Variants in TRPC4AP observed in about 807,000 individuals in gnomAD.
TRPC4AP encodes transient receptor potential cation channel subfamily C member 4 associated protein.
A neutral mutation model predicts 99.0 loss-of-function variants in TRPC4AP; 45 were observed. That is an observed-to-expected ratio of 0.45 (90% CI 0.36 to 0.58). The LOEUF is 0.58. Ranked by LOEUF, TRPC4AP falls within the 20% of genes least tolerant of loss-of-function variation. The probability of loss-of-function intolerance (pLI) is 0.00; values close to 1 mark genes in which losing one functional copy is unlikely to be tolerated. For missense variants in TRPC4AP, 879 were observed against 985.3 expected (o/e 0.89, Z 1.44); for synonymous variants, 408 against 385.8 (o/e 1.06, Z -0.67).
chr20:35,057,341 G>C lies in TRPC4AP; in HGVS notation c.472+173C>G, dbSNP rs534363918. 4.6e-5 allele frequency among the ~76,000 whole-genome samples: 7 copies of C among 152,264 alleles called. No individual in the cohort carries two copies. In the South Asian group the frequency reaches 1.5e-3, roughly 32 times the overall value. ...CAGATCTGAATTTCTACGCAGTACA[G>C]AATGAATAAAGACAGCTGCTTAGCT... is the stretch of plus-strand genomic sequence containing the variant. On this transcript the variant is annotated intron_variant, in intron 4 of 18. Coordinates refer to ENST00000252015, the MANE Select transcript of TRPC4AP (RefSeq NM_015638.3).
At chr20:35,007,727 G>T in intron 13 of TRPC4AP, 87 bp from the exon 14 acceptor site, 1 of 1,345,110 alleles carries the variant, frequency 7.4e-7, no homozygotes, top group Non-Finnish European at 1.1e-6. Flanking sequence ...GATGTTTGTT[G>T]CCTTTTCATG....
Position 35,092,670 on chromosome 20 carries a change from G to C in TRPC4AP, c.112C>G (p.Leu38Val). Reference protein sequence around the residue: ...WGGRPRPGNILLQLRQGQLTG... With the variant: ...WGGRPRPGNIVLQLRQGQLTG... ...AGCTGGCCCTGCCGCAGCTGCAGCAGAATGTTACCAGGCCGCGGCCGGCCG... is the reference window on the plus strand; with the variant it reads ...AGCTGGCCCTGCCGCAGCTGCAGCACAATGTTACCAGGCCGCGGCCGGCCG... The change falls in exon 1 of 19, where the codon CTG becomes GTG. Residue 38 changes from leucine (L) to valine (V), a missense_variant. Transcript: ENST00000252015. 2.0e-6 allele frequency: 3 copies of C among 1,526,286 alleles called. No homozygotes were observed. Among genetic ancestry groups the C allele is most frequent in the Non-Finnish European group, 2.6e-6 (3 of 1,145,892 alleles). The allele number at this position is 1,526,286 out of a possible 1,614,324, so 94.5% of individuals were successfully genotyped here.
At chr20:35,080,809 T>TTTTTG (rs1569151448) in intron 1 of TRPC4AP, among the ~76,000 whole-genome samples, 1 of 88,208 alleles carries the variant, frequency 1.1e-5, no homozygotes, top group African/African-American at 3.9e-5. Flanking sequence ...CTTCAGTTTT[T>TTTTTG]TTTTTTTTTA....
chr20:35,044,394 A>G, intron 7 of TRPC4AP, 111 bp downstream of exon 7: 1 of 1,144,444 alleles, frequency 8.7e-7, no homozygotes, highest in Admixed American at 3.3e-5. Context: ...TCCCATCTCA[A>G]AAAAGGAAAA....
chr20:35,021,934 C>T (rs1209191988), intron 8 of TRPC4AP, among the ~76,000 whole-genome samples: 1 of 152,210 alleles, frequency 6.6e-6, no homozygotes, highest in East Asian at 1.9e-4. Flanking sequence ...GGCAGATTTT[C>T]ATTTTACCCA....
chr20:35,076,839 T>C (rs2084492393), intron 2 of TRPC4AP, among the ~76,000 whole-genome samples: 1 of 152,158 alleles, frequency 6.6e-6, no homozygotes, highest in East Asian at 1.9e-4. Flanking sequence ...TGCCTTTTGT[T>C]CAGCTATGCC....
chr20:35,008,381 G>A (rs190746195), intron 13 of TRPC4AP, among the ~76,000 whole-genome samples: 26 of 152,246 alleles, frequency 1.7e-4, no homozygotes, highest in Non-Finnish European at 3.4e-4. Flanking sequence ...ACAGCTCTAG[G>A]GAATTCATGG....
intron 8 of TRPC4AP, 33 bp downstream of exon 8, chr20:35,035,090 T>G: frequency 6.3e-7 from 1 of 1,579,444 alleles, no homozygotes. Context: ...AAGGAAAAGC[T>G]CCCGATCACT....
At chr20:35,056,231 A>G (rs1448969495) in intron 4 of TRPC4AP, among the ~76,000 whole-genome samples, 4 of 152,128 alleles carry the variant, frequency 2.6e-5, no homozygotes, top group African/African-American at 9.7e-5. Flanking sequence ...ATGTCTCACT[A>G]TATATCTCAC....
rs566341053 is a variant in TRPC4AP, at chr20:35,073,214, T to C, written c.298-3802A>G. Among the ~76,000 whole-genome samples the C allele has an allele frequency of 6.4e-4, 97 of 152,360 alleles. 4 individuals carry two copies. In the South Asian group the frequency reaches 0.02, roughly 31 times the overall value. On this transcript the variant is annotated intron_variant, in intron 2 of 18. Transcript: ENST00000252015. The stretch of plus-strand genomic sequence containing the variant: ...GTTTTCTAAATATACAATCATGTCA[T>C]CTGCAAACAGGGACAATTTGACTTC...
intron 5 of TRPC4AP, among the ~76,000 whole-genome samples, chr20:35,054,581 T>A (rs2083782039): frequency 6.6e-6 from 1 of 152,188 alleles, no homozygotes; most frequent in African/African-American, 2.4e-5. Context: ...AGAGTCCTGC[T>A]CAATATATGG....
chr20:35,003,230 G>T lies in TRPC4AP; in HGVS notation c.2310C>A (p.Asn770Lys). 1 of 1,614,218 alleles carries T rather than the reference G, an allele frequency of 6.2e-7. No individual in the cohort carries two copies. The highest frequency in any genetic ancestry group is 1.1e-5 in the South Asian group (1 of 91,088). ...GAGCAGAGGGTGACTGCCGGTCCGG[G>T]TTCAACAGGATGGACACTGTCTCCT... is the stretch of plus-strand genomic sequence containing the variant. ...YWKETVSILL[N>K]PDRQSPSALV... The change falls in exon 19 of 19, where the codon AAC becomes AAA. Residue 770 changes from asparagine (N) to lysine (K), a missense_variant. Physicochemically the swap from Asn to Lys is moderately conservative, Grantham distance 94 (BLOSUM62 0). This residue lies in a region of TRPC4AP where 224 missense variants were observed against 264.7 expected (regional missense o/e 0.85). Transcript: ENST00000252015.
At chr20:35,066,593 A>G (rs1453826080) in intron 3 of TRPC4AP, among the ~76,000 whole-genome samples, 1 of 152,178 alleles carries the variant, frequency 6.6e-6, no homozygotes, top group Non-Finnish European at 1.5e-5. Context: ...CAGTCATTAC[A>G]CCAAAATAAA....
chr20:35,078,137 G>T lies in TRPC4AP; in HGVS notation c.206C>A (p.Ser69Tyr). Residue 69 changes from serine to tyrosine, a missense_variant, in exon 2 of 19, where the codon TCC becomes TAC. By Grantham distance (144) the Ser-to-Tyr change is moderately radical. Coordinates refer to ENST00000252015, the MANE Select transcript of TRPC4AP (RefSeq NM_015638.3). The part of the protein sequence containing the change: ...ETFLTERDKQ[S>Y]KWSGIPQLLL... ...CAGCTGAGGAATTCCACTCCACTTG[G>T]ATTGTTTGTCCCTCTCCGTCAAAAA... 6.2e-7 allele frequency: 1 copy of T among 1,613,954 alleles called. No homozygotes were observed. Among genetic ancestry groups the T allele is most frequent in the Non-Finnish European group, 8.5e-7 (1 of 1,179,932 alleles).
rs1225727216 is a variant in TRPC4AP at position 35,078,188 on chromosome 20, A to C, written c.169-14T>G. 1 of 1,611,756 alleles carries C rather than the reference A, an allele frequency of 6.2e-7. No individual in the cohort carries two copies. The highest frequency in any genetic ancestry group is 8.5e-7 in the Non-Finnish European group (1 of 1,178,330). On this transcript the variant is annotated splice_polypyrimidine_tract_variant and intron_variant, in intron 1 of 18. Coordinates refer to ENST00000252015, the MANE Select transcript of TRPC4AP (RefSeq NM_015638.3). Reference sequence around the variant, plus strand: ...AGTCTCAGTGAACTGTGAGTCAAAAAAAGAGAGAACATATTATTGTATTAT... The same window carrying C: ...AGTCTCAGTGAACTGTGAGTCAAAACAAGAGAGAACATATTATTGTATTAT...
chr20:35,043,809 G>A (rs199765862), intron 7 of TRPC4AP, among the ~76,000 whole-genome samples: 74 of 152,146 alleles, frequency 4.9e-4, no homozygotes, highest in South Asian at 4.4e-3. Context: ...TAATATTTTC[G>A]GATTGCAGTT....
chr20:35,083,137 T>A (rs1456913266), intron 1 of TRPC4AP, among the ~76,000 whole-genome samples: 1 of 152,198 alleles, frequency 6.6e-6, no homozygotes, highest in Non-Finnish European at 1.5e-5. Flanking sequence ...AAATGTAAAT[T>A]ATCAACTATT....
Position 35,069,322 on chromosome 20 carries a change from T to C in TRPC4AP, c.388A>G (p.Ile130Val). ...TQETTYPNTY[I>V]FDLFGGVDLL... ...TCAACACCTCCAAACAAGTCAAAAATGTAAGTATTTGGATAAGTGGTTTCT... is the reference window on the plus strand; with the variant it reads ...TCAACACCTCCAAACAAGTCAAAAACGTAAGTATTTGGATAAGTGGTTTCT... The change falls in exon 3 of 19, where the codon ATT (isoleucine) becomes GTT (valine). Residue 130 changes from isoleucine to valine, a missense_variant. Transcript: ENST00000252015. 1 of 1,607,786 alleles carries C rather than the reference T, an allele frequency of 6.2e-7. No homozygotes were observed. The highest frequency in any genetic ancestry group is 8.5e-7 in the Non-Finnish European group (1 of 1,174,540).
At chr20:35,088,831 G>C (rs554813107) in intron 1 of TRPC4AP, among the ~76,000 whole-genome samples, 2 of 152,124 alleles carry the variant, frequency 1.3e-5, no homozygotes, top group East Asian at 1.9e-4. Context: ...AAATAAGCCA[G>C]TCACAAAAAG....
Sources: gnomAD v4.1 joint callset for allele counts (sites outside exome capture counted in the v4.1 genomes callset) on GRCh38, gnomAD v4.1.1 for gene constraint, gnomAD v4.1.1 regional missense constraint, MANE v1.5 for transcripts, NCBI Gene and HGNC (gene_info 2026-07-23, HGNC 2026-07-21) for gene names.